Variants in CENPK observed in about 807,000 individuals in gnomAD.
CENPK encodes the protein SoxLZ/Sox6-binding protein Solt.
Under a neutral mutation model 40.9 loss-of-function variants are expected in CENPK, and 46 were observed. The ratio of observed to expected loss-of-function variants is 1.13; its 90% CI spans 0.89 to 1.44. The LOEUF (loss-of-function observed/expected upper bound fraction) is 1.44, where lower values mean the gene tolerates loss of function less well. Ranked by LOEUF, CENPK falls within the 40% of genes most tolerant of loss-of-function variation. CENPK has a pLI of 0.00. For missense variants in CENPK, 288 were observed against 303.5 expected, an observed-to-expected ratio of 0.95 and a Z score of 0.38; for synonymous variants, 107 against 104.4, an observed-to-expected ratio of 1.02 and a Z score of -0.15.
At chr5:65,537,964 AC>A (rs1747262076) in intron 6 of CENPK, among the ~76,000 whole-genome samples, 1 of 151,990 alleles carries the variant, frequency 6.6e-6, no homozygotes, top group Non-Finnish European at 1.5e-5. Context: ...ACATAGAGTT[AC>A]TCTTTTACCT....
intron 2 of CENPK, among the ~76,000 whole-genome samples, chr5:65,557,329 CAG>C (rs1422197278): frequency 1.3e-5 from 2 of 152,162 alleles, no homozygotes; most frequent in African/African-American, 4.8e-5. Context: ...CATCAAGAGA[CAG>C]AGTCTTTTTC....
At chr5:65,556,654 G>GC (rs1751025624) in intron 2 of CENPK, among the ~76,000 whole-genome samples, 1 of 152,114 alleles carries the variant, frequency 6.6e-6, no homozygotes, top group African/African-American at 2.4e-5. Context: ...ATTTAGTATA[G>GC]CCTAAGTGTA....
intron 5 of CENPK, among the ~76,000 whole-genome samples, chr5:65,549,755 G>A (rs573809562): frequency 6.6e-6 from 1 of 152,292 alleles, no homozygotes; most frequent in South Asian, 2.1e-4. Flanking sequence ...AAAAGAGCTA[G>A]GGCTTTGTTG....
At chr5:65,500,971 T>C in the CENPK span, among the ~76,000 whole-genome samples, 1 of 151,110 alleles carries the variant, frequency 6.6e-6, no homozygotes, top group Admixed American at 6.6e-5. Flanking sequence ...TGCCTGGCCA[T>C]ATCTATTGTT....
intron 10 of CENPK, among the ~76,000 whole-genome samples, chr5:65,519,673 G>A (rs1487575316): frequency 6.6e-6 from 1 of 152,074 alleles, no homozygotes; most frequent in African/African-American, 2.4e-5. Context: ...AATCCATCAA[G>A]CTCTAATCTC....
intron 9 of CENPK, among the ~76,000 whole-genome samples, chr5:65,525,405 C>T (rs1158509893): frequency 6.6e-6 from 1 of 151,862 alleles, no homozygotes; most frequent in Non-Finnish European, 1.5e-5. Flanking sequence ...TTATTATTAG[C>T]ATTTACAAAA....
the CENPK span, among the ~76,000 whole-genome samples, chr5:65,509,278 T>C: frequency 6.6e-6 from 1 of 152,220 alleles, no homozygotes; most frequent in East Asian, 1.9e-4. Context: ...GGACAACCTA[T>C]GCATTGCTTC....
At chr5:65,537,705 A>G (rs1009377678) in intron 6 of CENPK, among the ~76,000 whole-genome samples, 1 of 152,052 alleles carries the variant, frequency 6.6e-6, no homozygotes, top group Non-Finnish European at 1.5e-5. Context: ...TTTTTCATTT[A>G]GCATGTTTTC....
chr5:65,498,800 G>A, the CENPK span, among the ~76,000 whole-genome samples: 1 of 151,422 alleles, frequency 6.6e-6, no homozygotes, highest in East Asian at 1.9e-4. Flanking sequence ...AGGACTACAG[G>A]CACACGACAC....
chr5:65,553,095 T>G (rs535310804), intron 3 of CENPK, among the ~76,000 whole-genome samples: 1 of 152,142 alleles, frequency 6.6e-6, no homozygotes, highest in South Asian at 2.1e-4. Flanking sequence ...AAAAAATACC[T>G]GAAGCAAAAA....
chr5:65,558,625 T>C (rs1391712039), intron 2 of CENPK, among the ~76,000 whole-genome samples: 1 of 152,184 alleles, frequency 6.6e-6, no homozygotes, highest in African/African-American at 2.4e-5. Flanking sequence ...AGGATAAAGT[T>C]ACAGGATTAT....
intron 2 of CENPK, among the ~76,000 whole-genome samples, chr5:65,559,412 G>A (rs1448104088): frequency 2.0e-5 from 3 of 151,966 alleles, no homozygotes; most frequent in Non-Finnish European, 4.4e-5. Flanking sequence ...GGCGGATCAC[G>A]AGGTCAGGAG....
intron 5 of CENPK, among the ~76,000 whole-genome samples, chr5:65,544,122 G>C (rs1458518165): frequency 6.6e-6 from 1 of 152,160 alleles, no homozygotes; most frequent in Non-Finnish European, 1.5e-5. Context: ...TTCATAGATA[G>C]GTTTGTATTA....
At chr5:65,506,813 T>A in the CENPK span, among the ~76,000 whole-genome samples, 1 of 152,022 alleles carries the variant, frequency 6.6e-6, no homozygotes, top group Middle Eastern at 3.4e-3. Flanking sequence ...TTAAAATAAA[T>A]TTGTTTTTTC....
chr5:65,507,261 A>G, the CENPK span, among the ~76,000 whole-genome samples: 2 of 152,260 alleles, frequency 1.3e-5, no homozygotes, highest in African/African-American at 4.8e-5. Flanking sequence ...TGAAAAAAAA[A>G]TTTCTCCAAA....
rs1164554935 is a variant in CENPK, at chr5:65,518,033, G to C, written c.*442C>G. On this transcript the variant is annotated 3_prime_UTR_variant, in exon 11 of 11. Transcript: ENST00000396679. ...AATATTTTTAAATTATGCCACCTCA[G>C]ATATTACCTCAATTTTAAAACCATC... The C allele has an allele frequency of 6.6e-6, 1 of 152,100 alleles. No individual in the cohort carries two copies. The highest frequency in any genetic ancestry group is 1.9e-4 in the East Asian group (1 of 5,214). 9.4% of individuals were successfully genotyped at this position (152,100 alleles called of 1,614,324 possible).
chr5:65,559,467 A>C (rs1751563297), intron 2 of CENPK, among the ~76,000 whole-genome samples: 1 of 151,642 alleles, frequency 6.6e-6, no homozygotes, highest in Admixed American at 6.6e-5. Flanking sequence ...GTCTCTACTA[A>C]AAATACAAAA....
rs1207342510 is a variant in CENPK, at chr5:65,518,343, C to T, written c.*132G>A. The T allele has an allele frequency of 4.9e-6, 4 of 818,284 alleles. No individual in the cohort carries two copies. Among genetic ancestry groups the T allele is most frequent in the East Asian group, 5.3e-5 (2 of 37,696 alleles). 50.7% of individuals were successfully genotyped at this position (818,284 alleles called of 1,614,324 possible). A position where few individuals can be genotyped will look rare whatever the true frequency, so the allele number is the denominator to read the frequency against. On this transcript the variant is annotated 3_prime_UTR_variant, in exon 11 of 11. Transcript: ENST00000396679. ...AATGAATAATAGATGGCAGCACATG[C>T]CATTTTGCAATAAAAGTAAGATGGC...
the CENPK span, among the ~76,000 whole-genome samples, chr5:65,504,418 T>C: frequency 7.0e-6 from 1 of 141,858 alleles, no homozygotes; most frequent in African/African-American, 2.6e-5. Context: ...GATCGTGCCA[T>C]TGCCCTCCAG....
Sources: allele counts gnomAD v4.1 joint callset (sites outside exome capture counted in the v4.1 genomes callset), GRCh38; gene constraint gnomAD v4.1.1; transcripts MANE v1.5; gene names NCBI Gene and HGNC (gene_info 2026-07-23, HGNC 2026-07-21).